ZHX2: variants seen among roughly 807,000 people sequenced by gnomAD.
ZHX2 encodes the protein zinc fingers and homeoboxes protein 2.
In ZHX2, 6 loss-of-function variants were observed where a neutral mutation model predicts 21.9. The ratio of observed to expected loss-of-function variants is 0.27; its 90% CI spans 0.15 to 0.54. The LOEUF (loss-of-function observed/expected upper bound fraction) is 0.54, where lower values mean the gene tolerates loss of function less well. ZHX2 is among the 20% of genes least tolerant of loss of function. The pLI is 0.95. For missense variants in ZHX2, 908 were observed against 1,090.7 expected (o/e 0.83, Z 2.36); for synonymous variants, 434 against 437.1 (o/e 0.99, Z 0.09).
At chr8:122,801,166 A>G (rs541823950) in intron 1 of ZHX2, among the ~76,000 whole-genome samples, 1 of 152,330 alleles carries the variant, frequency 6.6e-6, no homozygotes, top group South Asian at 2.1e-4. Context: ...CCCATGAAAA[A>G]ATTCGTAATT....
At chr8:122,805,812 C>T (rs1197675440) in intron 1 of ZHX2, among the ~76,000 whole-genome samples, 1 of 152,210 alleles carries the variant, frequency 6.6e-6, no homozygotes, top group Non-Finnish European at 1.5e-5. Flanking sequence ...TGTCATTACT[C>T]CTCCCTGTCC....
chr8:122,907,331 C>G (rs991036866), intron 2 of ZHX2, among the ~76,000 whole-genome samples: 1 of 152,142 alleles, frequency 6.6e-6, no homozygotes, highest in Non-Finnish European at 1.5e-5. Context: ...AAAGGCGGGA[C>G]ATCTTGAAGC....
chr8:122,931,684 C>G (rs1293845240), intron 2 of ZHX2, among the ~76,000 whole-genome samples: 2 of 152,102 alleles, frequency 1.3e-5, no homozygotes, highest in Non-Finnish European at 2.9e-5. Context: ...ATCAAGATCA[C>G]CTAGGGAACT....
chr8:122,805,873 GA>G (rs562123902), intron 1 of ZHX2, among the ~76,000 whole-genome samples: 12 of 151,690 alleles, frequency 7.9e-5, no homozygotes, highest in African/African-American at 2.9e-4. Flanking sequence ...GTAGGTCCTG[GA>G]AAAAAAAGTC....
At chr8:122,957,312 A>G (rs1258408112) in intron 3 of ZHX2, among the ~76,000 whole-genome samples, 1 of 151,388 alleles carries the variant, frequency 6.6e-6, no homozygotes, top group Non-Finnish European at 1.5e-5. Context: ...AAAAAAAAAA[A>G]AACATGCAGG....
chr8:122,813,053 G>A (rs117817550), intron 1 of ZHX2, among the ~76,000 whole-genome samples: 2,308 of 152,166 alleles, frequency 0.015, 37 homozygotes, highest in South Asian at 0.061. Context: ...AAAGTTAGCC[G>A]GACGTGGCGG....
At chr8:122,867,763 G>A (rs1480374702) in intron 2 of ZHX2, among the ~76,000 whole-genome samples, 4 of 152,130 alleles carry the variant, frequency 2.6e-5, no homozygotes, top group Non-Finnish European at 2.9e-5. Context: ...GTGCAAACTC[G>A]CTCACAAAAG....
intron 2 of ZHX2, among the ~76,000 whole-genome samples, chr8:122,923,265 G>A (rs550417148): frequency 1.2e-3 from 187 of 152,318 alleles, no homozygotes; most frequent in African/African-American, 4.2e-3. Context: ...TGGCTTGTCT[G>A]TACTCCAGGA....
rs1166819812 is a variant in ZHX2 at position 122,868,934 on chromosome 8, C to G, written c.-220+5395C>G. 2.0e-5 allele frequency among the ~76,000 whole-genome samples: 3 copies of G among 152,258 alleles called. No individual in the cohort carries two copies. In the East Asian group the frequency reaches 5.8e-4, roughly 29 times the overall value. On this transcript the variant is annotated intron_variant, in intron 2 of 3. Coordinates refer to ENST00000314393, the MANE Select transcript of ZHX2 (RefSeq NM_014943.5). Reference sequence around the variant, plus strand: ...GACCTGCATGGCTGGAGGAGCAGCACCCCTGATCACAGAAGCCGAGACTCA... The same window carrying G: ...GACCTGCATGGCTGGAGGAGCAGCAGCCCTGATCACAGAAGCCGAGACTCA...
At chr8:122,928,516 G>A (rs545136424) in intron 2 of ZHX2, among the ~76,000 whole-genome samples, 1 of 152,296 alleles carries the variant, frequency 6.6e-6, no homozygotes, top group African/African-American at 2.4e-5. Flanking sequence ...TGGGGAACCA[G>A]CATGGATTAT....
At chr8:122,911,086 G>A (rs904813490) in intron 2 of ZHX2, among the ~76,000 whole-genome samples, 2 of 152,104 alleles carry the variant, frequency 1.3e-5, no homozygotes, top group African/African-American at 2.4e-5. Context: ...GTCCACTTGG[G>A]GGTTTGTACA....
At chr8:122,827,084 T>C (rs1186709875) in intron 1 of ZHX2, among the ~76,000 whole-genome samples, 1 of 152,152 alleles carries the variant, frequency 6.6e-6, no homozygotes, top group Non-Finnish European at 1.5e-5. Flanking sequence ...GCAGTGGCTC[T>C]ATCTCGGCTC....
intron 1 of ZHX2, among the ~76,000 whole-genome samples, chr8:122,785,799 A>C (rs1817383355): frequency 6.6e-6 from 1 of 152,180 alleles, no homozygotes; most frequent in Non-Finnish European, 1.5e-5. Flanking sequence ...AGGGGGATGC[A>C]GGGAAGGCTG....
intron 2 of ZHX2, among the ~76,000 whole-genome samples, chr8:122,904,447 G>A (rs1043631917): frequency 7.2e-5 from 11 of 152,216 alleles, no homozygotes; most frequent in South Asian, 2.1e-4. Context: ...ATGACCCCAC[G>A]AAATGGTAAC....
intron 3 of ZHX2, among the ~76,000 whole-genome samples, chr8:122,956,351 G>A (rs1813302246): frequency 6.6e-6 from 1 of 152,156 alleles, no homozygotes; most frequent in African/African-American, 2.4e-5. Flanking sequence ...GTGGAGCTCG[G>A]GCAGGCCAAG....
intron 1 of ZHX2, among the ~76,000 whole-genome samples, chr8:122,832,662 G>A (rs536611148): frequency 2.6e-4 from 39 of 152,240 alleles, no homozygotes; most frequent in African/African-American, 7.7e-4. Flanking sequence ...GCGAAGGAGG[G>A]AACCCAGAGC....
intron 1 of ZHX2, among the ~76,000 whole-genome samples, chr8:122,812,218 T>C (rs1817945714): frequency 6.6e-6 from 1 of 152,014 alleles, no homozygotes; most frequent in Non-Finnish European, 1.5e-5. Flanking sequence ...AGGAGTCCGA[T>C]GTGTGCAGCA....
intron 1 of ZHX2, among the ~76,000 whole-genome samples, chr8:122,839,969 CT>C (rs1423374736): frequency 1.3e-5 from 2 of 152,222 alleles, no homozygotes; most frequent in East Asian, 3.9e-4. Flanking sequence ...TATTCTGGCA[CT>C]TCACTGCCTG....
chr8:122,837,155 A>G (rs1426476675), intron 1 of ZHX2, among the ~76,000 whole-genome samples: 2 of 152,206 alleles, frequency 1.3e-5, no homozygotes, highest in Non-Finnish European at 2.9e-5. Flanking sequence ...CTTGTTTAGC[A>G]TATCATCAAG....
Sources: gnomAD v4.1 joint callset for allele counts (sites outside exome capture counted in the v4.1 genomes callset) on GRCh38, gnomAD v4.1.1 for gene constraint, MANE v1.5 for transcripts, NCBI Gene and HGNC (gene_info 2026-07-23, HGNC 2026-07-21) for gene names.